ACAD11: variants seen among roughly 807,000 people sequenced by gnomAD.
ACAD11 encodes the protein acyl-Coenzyme A dehydrogenase family, member 11.
A neutral mutation model predicts 102.2 loss-of-function variants in ACAD11; 83 were observed. The observed-to-expected ratio is 0.81, with a 90% CI of 0.68 to 0.97. The LOEUF is 0.97. ACAD11 is among the 50% of genes least tolerant of loss of function. ACAD11 has a pLI of 0.00. For synonymous variants in ACAD11, 324 were observed against 319.8 expected, an observed-to-expected ratio of 1.01 and a Z score of -0.14; for missense variants, 901 against 951.7, an observed-to-expected ratio of 0.95 and a Z score of 0.70.
Position 132,605,188 on chromosome 3 carries a change from C to A in ACAD11, c.1432G>T (p.Val478Phe). 2 of 1,612,260 alleles carry A rather than the reference C, an allele frequency of 1.2e-6. No individual in the cohort carries two copies. Among genetic ancestry groups the A allele is most frequent in the Non-Finnish European group, 1.7e-6 (2 of 1,178,650 alleles). The change falls in exon 12 of 20, where the codon GTT becomes TTT. Residue 478 changes from valine to phenylalanine, a missense_variant. Physicochemically the swap from Val to Phe is conservative, Grantham distance 50. Coordinates refer to ENST00000264990, the MANE Select transcript of ACAD11 (RefSeq NM_032169.5). ...CQAPDTGNME[V>F]LHLYGSEEQK... ...TCCTCACTTCCATACAGGTGCAGAA[C>A]CTCCATATTCCCTGTGTCTACACAT...
chr3:132,607,491 T>G (rs913105594), intron 11 of ACAD11, among the ~76,000 whole-genome samples: 9 of 152,088 alleles, frequency 5.9e-5, no homozygotes, highest in African/African-American at 1.9e-4. Context: ...CAAGTATCAA[T>G]AGCTGAATCA....
intron 1 of ACAD11, chr3:132,649,697 T>C (rs1940861124): frequency 6.6e-6 from 1 of 152,214 alleles, no homozygotes; most frequent in African/African-American, 2.4e-5. Flanking sequence ...CACTTTTCTT[T>C]CTATATACTT....
At chr3:132,606,205 T>C (rs1938829726) in intron 11 of ACAD11, among the ~76,000 whole-genome samples, 1 of 152,220 alleles carries the variant, frequency 6.6e-6, no homozygotes, top group East Asian at 1.9e-4. Flanking sequence ...TTATGAAAAT[T>C]GAGTTGTGTA....
chr3:132,607,573 GA>G (rs1938904377), intron 11 of ACAD11, among the ~76,000 whole-genome samples: 1 of 152,076 alleles, frequency 6.6e-6, no homozygotes, highest in African/African-American at 2.4e-5. Flanking sequence ...CAAGATTAGA[GA>G]AAAAAGAATG....
At chr3:132,617,842 T>C (rs1316064210) in intron 11 of ACAD11, among the ~76,000 whole-genome samples, 1 of 152,214 alleles carries the variant, frequency 6.6e-6, no homozygotes, top group East Asian at 1.9e-4. Context: ...TCTCTGGTTA[T>C]TACTGGAATA....
rs2107840651 is a variant in ACAD11 at position 132,613,801 on chromosome 3, A to C, written c.1414+4833T>G. ...GTGATCCCAGCTACTCAGTAGGCTG[A>C]GGCAGGAGAATTGCTTGGGCCTGGG... On this transcript the variant is annotated intron_variant, in intron 11 of 19. Transcript: ENST00000264990. 1.3e-5 allele frequency among the ~76,000 whole-genome samples: 2 copies of C among 152,120 alleles called. 1 individual carries two copies. The highest frequency in any genetic ancestry group is 4.1e-4 in the South Asian group (2 of 4,822).
chr3:132,579,038 G>T, intron 14 of ACAD11, 157 bp from the exon 15 acceptor site: 2 of 1,513,696 alleles, frequency 1.3e-6, no homozygotes, highest in Non-Finnish European at 1.8e-6. Flanking sequence ...CACCAACATA[G>T]TCTGATGCAG....
intron 17 of ACAD11, among the ~76,000 whole-genome samples, chr3:132,563,956 G>A (rs1937140846): frequency 6.6e-6 from 1 of 152,098 alleles, no homozygotes; most frequent in South Asian, 2.1e-4. Flanking sequence ...TGTATTCCCA[G>A]TTTGCTGAAA....
intron 13 of ACAD11, chr3:132,600,311 CA>C (rs1449029208): frequency 7.9e-7 from 1 of 1,270,552 alleles, no homozygotes; most frequent in African/African-American, 1.5e-5. Context: ...AGGGAAAGAA[CA>C]AAACAGCTTG....
chr3:132,601,073 A>G, intron 13 of ACAD11: 1 of 1,613,974 alleles, frequency 6.2e-7, no homozygotes, highest in Non-Finnish European at 8.5e-7. Flanking sequence ...CACAGCAAGG[A>G]CACTCATGAA....
chr3:132,587,495 T>C (rs149157483), intron 13 of ACAD11, among the ~76,000 whole-genome samples: 51 of 152,350 alleles, frequency 3.3e-4, no homozygotes, highest in Non-Finnish European at 6.6e-4. Flanking sequence ...TCTCTTCTGA[T>C]ATTTCTTAAT....
rs181499241 is a variant in ACAD11, at chr3:132,597,404, G to A, written c.1621+5825C>T. 303 of 150,132 alleles carry A rather than the reference G, an allele frequency of 2.0e-3. 3 individuals are homozygous for A. The highest frequency in any genetic ancestry group is 7.1e-3 in the African/African-American group (291 of 40,798). 9.3% of individuals were successfully genotyped at this position (150,132 alleles called of 1,614,324 possible). A position where few individuals can be genotyped will look rare whatever the true frequency, so the allele number is the denominator to read the frequency against. ...ATCTTGTATATTTACTTATATAGAT[G>A]GAGTCTTGATGCATAAAAGTTTAAA... On this transcript the variant is annotated intron_variant, in intron 13 of 19. Coordinates refer to ENST00000264990, the MANE Select transcript of ACAD11 (RefSeq NM_032169.5).
chr3:132,630,192 C>T (rs979870047), intron 7 of ACAD11, among the ~76,000 whole-genome samples: 1 of 152,142 alleles, frequency 6.6e-6, no homozygotes, highest in African/African-American at 2.4e-5. Flanking sequence ...TGTCATTCTT[C>T]CTCCATCCAT....
rs749315153 is a variant in ACAD11, at chr3:132,642,793, CTCTA to C, written c.255_258del (p.Asp85GlufsTer35). 6.2e-7 allele frequency: 1 copy of C among 1,609,656 alleles called. No homozygotes were observed. The highest frequency in any genetic ancestry group is 1.3e-5 in the African/African-American group (1 of 74,632). On this transcript the variant is annotated frameshift_variant, in exon 3 of 20. Transcript: ENST00000264990. LOFTEE classifies it high-confidence loss of function. ...AACAAGGCTTTCTGGACTTTAAATT[CTCTA>C]TCAATCTAAATAGGATGATGAATCA...
At chr3:132,631,214 TAATAA>T in intron 6 of ACAD11, 122 bp downstream of exon 6, 2 of 484,604 alleles carry the variant, frequency 4.1e-6, no homozygotes, top group Non-Finnish European at 6.7e-6. Context: ...ATAAAAATCA[TAATAA>T]AATAGAAATG....
At chr3:132,637,148 T>A in intron 5 of ACAD11, among the ~76,000 whole-genome samples, 1 of 152,060 alleles carries the variant, frequency 6.6e-6, no homozygotes. Context: ...CAAGGGGTGA[T>A]GGACATCCCC....
At chr3:132,600,422 A>G in intron 13 of ACAD11, 2 of 1,602,242 alleles carry the variant, frequency 1.2e-6, no homozygotes, top group Non-Finnish European at 1.7e-6. Flanking sequence ...GAACCAGTCA[A>G]CAGATTATTA....
At chr3:132,572,889 C>T (rs367710318) in intron 17 of ACAD11, among the ~76,000 whole-genome samples, 8 of 152,036 alleles carry the variant, frequency 5.3e-5, no homozygotes, top group Non-Finnish European at 7.4e-5. Context: ...ATTTTTTTGA[C>T]GTTTAATTGT....
intron 11 of ACAD11, among the ~76,000 whole-genome samples, chr3:132,612,738 G>A (rs538164925): frequency 6.6e-6 from 1 of 152,042 alleles, no homozygotes; most frequent in African/African-American, 2.4e-5. Context: ...AGGTGCTGGA[G>A]AGGATGTGGA....
Sources: allele counts gnomAD v4.1 joint callset (sites outside exome capture counted in the v4.1 genomes callset), GRCh38; gene constraint gnomAD v4.1.1; transcripts MANE v1.5; gene names NCBI Gene and HGNC (gene_info 2026-07-23, HGNC 2026-07-21).